Variants in LHFPL2 observed in about 807,000 individuals in gnomAD.
LHFPL2 encodes the protein LHFPL tetraspan subfamily member 2 protein.
LHFPL2 carries 7 observed loss-of-function variants against 17.5 expected under a neutral mutation model. That is an observed-to-expected ratio of 0.40 (90% CI 0.23 to 0.75). The LOEUF (loss-of-function observed/expected upper bound fraction) is 0.75, where lower values mean the gene tolerates loss of function less well. LHFPL2 is among the 30% of genes least tolerant of loss of function. The pLI is 0.37. For missense variants in LHFPL2, 241 were observed against 294.8 expected (o/e 0.82, Z 1.34); for synonymous variants, 134 against 116.2 (o/e 1.15, Z -0.99).
At chr5:78,575,983 T>C (rs1757121608) in intron 2 of LHFPL2, among the ~76,000 whole-genome samples, 1 of 152,222 alleles carries the variant, frequency 6.6e-6, no homozygotes, top group Admixed American at 6.5e-5. Flanking sequence ...GATGAGCCAC[T>C]GTGCCCAGCC....
At chr5:78,584,493 C>T (rs1468101987) in intron 2 of LHFPL2, among the ~76,000 whole-genome samples, 1 of 152,012 alleles carries the variant, frequency 6.6e-6, no homozygotes, top group Non-Finnish European at 1.5e-5. Context: ...GTGAGTTTTC[C>T]TTCTAACAGA....
At chr5:78,629,411 A>G (rs138637402) in intron 2 of LHFPL2, among the ~76,000 whole-genome samples, 9 of 152,334 alleles carry the variant, frequency 5.9e-5, no homozygotes, top group African/African-American at 2.2e-4. Context: ...ACCTAGTCCA[A>G]GTAAATGGTG....
chr5:78,494,174 G>A (rs1754533986), intron 4 of LHFPL2, among the ~76,000 whole-genome samples: 1 of 152,182 alleles, frequency 6.6e-6, no homozygotes, highest in African/African-American at 2.4e-5. Context: ...GGCAATGGAA[G>A]AAGGAAGGGA....
chr5:78,608,696 G>T (rs1169139544), intron 2 of LHFPL2, among the ~76,000 whole-genome samples: 2 of 152,144 alleles, frequency 1.3e-5, no homozygotes, highest in Non-Finnish European at 2.9e-5. Flanking sequence ...ACTTTGGGAG[G>T]CCGAGGGAGG....
intron 2 of LHFPL2, among the ~76,000 whole-genome samples, chr5:78,631,935 CA>C (rs35424661): frequency 0.019 from 1,961 of 104,510 alleles, 39 homozygotes; most frequent in African/African-American, 0.058. Flanking sequence ...GACTCCATCT[CA>C]AAAAAAAAAA....
At chr5:78,539,008 G>A (rs895215106) in intron 3 of LHFPL2, among the ~76,000 whole-genome samples, 73 of 152,200 alleles carry the variant, frequency 4.8e-4, no homozygotes, top group Non-Finnish European at 1.6e-4. Flanking sequence ...CTTGACACCT[G>A]CTATGGTTTG....
chr5:78,641,516 A>C (rs941851101), intron 1 of LHFPL2, among the ~76,000 whole-genome samples: 3 of 152,162 alleles, frequency 2.0e-5, no homozygotes, highest in Non-Finnish European at 4.4e-5. Context: ...AAGAGTTGTG[A>C]AAGTTAGTTT....
chr5:78,556,426 C>T (rs920968538), intron 3 of LHFPL2, among the ~76,000 whole-genome samples: 4 of 152,088 alleles, frequency 2.6e-5, no homozygotes, highest in Admixed American at 1.3e-4. Context: ...AAATGAGATG[C>T]CATTCTCACC....
At chr5:78,516,759 T>G (rs1028023498) in intron 3 of LHFPL2, among the ~76,000 whole-genome samples, 1 of 152,244 alleles carries the variant, frequency 6.6e-6, no homozygotes, top group South Asian at 2.1e-4. Flanking sequence ...GATGACAGGA[T>G]GATAGGGACT....
intron 3 of LHFPL2, among the ~76,000 whole-genome samples, chr5:78,536,494 G>C (rs1314509387): frequency 6.6e-6 from 1 of 152,160 alleles, no homozygotes; most frequent in Non-Finnish European, 1.5e-5. Context: ...GCCTCTCAGG[G>C]AATGGTTTTA....
Position 78,489,140 on chromosome 5 carries a change from G to C in LHFPL2, c.444C>G (p.Ile148Met), listed in dbSNP as rs745605571. Residue 148 changes from isoleucine to methionine, a missense_variant, in exon 5 of 5, where the codon ATC becomes ATG. By Grantham distance (10) the Ile-to-Met change is conservative. Coordinates refer to ENST00000380345, the MANE Select transcript of LHFPL2 (RefSeq NM_005779.3). ...CAGCAGGGTAGAGTATCAAACCGAG[G>C]ATAAGGAATAGACCTGCAGAACAAA... ...LLQGIAGLFLILGLILYPAGW... is the reference protein window; with the variant it reads ...LLQGIAGLFLMLGLILYPAGW... The C allele has an allele frequency of 1.2e-6, 2 of 1,614,164 alleles. No individual in the cohort carries two copies. Among genetic ancestry groups the C allele is most frequent in the Non-Finnish European group, 1.7e-6 (2 of 1,180,008 alleles).
intron 1 of LHFPL2, among the ~76,000 whole-genome samples, chr5:78,647,051 CACTT>C (rs1005921709): frequency 1.7e-4 from 26 of 152,236 alleles, no homozygotes; most frequent in African/African-American, 6.3e-4. Flanking sequence ...TCCATGTGAC[CACTT>C]AGAGAAAAAT....
intron 2 of LHFPL2, among the ~76,000 whole-genome samples, chr5:78,620,970 T>A (rs1190515141): frequency 4.0e-5 from 2 of 50,500 alleles, no homozygotes; most frequent in South Asian, 4.4e-4. Flanking sequence ...CTCAAACTCC[T>A]TTTTTTTTTT....
In LHFPL2 at chr5:78,609,046, T is replaced by C. The variant is rs536804985; in HGVS notation, c.-245+23218A>G. On this transcript the variant is annotated intron_variant, in intron 2 of 4. Transcript: ENST00000380345. Reference sequence around the variant, plus strand: ...TTCTGCAAGAGTTTGTCAACCTGCATGAATATCCAAAATGTTTATACTCTG... The same window carrying C: ...TTCTGCAAGAGTTTGTCAACCTGCACGAATATCCAAAATGTTTATACTCTG... Among the ~76,000 whole-genome samples the C allele has an allele frequency of 7.2e-5, 11 of 152,264 alleles. 1 individual carries two copies. The South Asian group carries it at 2.3e-3, about 32-fold the overall frequency.
rs1049937941 is a variant in LHFPL2, at chr5:78,584,055, T to C, written c.-244-19184A>G. 8.0e-3 allele frequency among the ~76,000 whole-genome samples: 1,212 copies of C among 152,246 alleles called. 11 individuals are homozygous for C. The highest frequency in any genetic ancestry group is 0.011 in the Non-Finnish European group (773 of 68,024). On this transcript the variant is annotated intron_variant, in intron 2 of 4. Coordinates refer to ENST00000380345, the MANE Select transcript of LHFPL2 (RefSeq NM_005779.3). ...ATTTCATCTTCCATCGCTGATACCC[T>C]TTCTTCCAGTTGATCGCATCGGCTC...
intron 2 of LHFPL2, among the ~76,000 whole-genome samples, chr5:78,580,285 T>G (rs550078466): frequency 1.1e-4 from 16 of 152,172 alleles, no homozygotes; most frequent in Non-Finnish European, 2.2e-4. Context: ...TTTTCTCCCA[T>G]TTTGTAGGTT....
chr5:78,496,262 G>A (rs1159019832), intron 4 of LHFPL2, among the ~76,000 whole-genome samples: 1 of 152,120 alleles, frequency 6.6e-6, no homozygotes, highest in African/African-American at 2.4e-5. Context: ...TTAGGAACTT[G>A]GTTATAGGTT....
chr5:78,537,433 G>A (rs1755983588), intron 3 of LHFPL2, among the ~76,000 whole-genome samples: 1 of 152,142 alleles, frequency 6.6e-6, no homozygotes, highest in Non-Finnish European at 1.5e-5. Flanking sequence ...GCCCATCCTG[G>A]CTCACCCAGT....
At chr5:78,592,351 G>A (rs1743656882) in intron 2 of LHFPL2, among the ~76,000 whole-genome samples, 1 of 152,164 alleles carries the variant, frequency 6.6e-6, no homozygotes, top group African/African-American at 2.4e-5. Flanking sequence ...TCTACTGAGG[G>A]AATTCTTTCC....
Sources: allele counts gnomAD v4.1 joint callset (sites outside exome capture counted in the v4.1 genomes callset), GRCh38; gene constraint gnomAD v4.1.1; transcripts MANE v1.5; gene names NCBI Gene and HGNC (gene_info 2026-07-23, HGNC 2026-07-21).